Variants in LGI1 observed in about 807,000 individuals in gnomAD.
LGI1 encodes the protein leucine rich glioma inactivated 1.
A neutral mutation model predicts 57.7 loss-of-function variants in LGI1; 11 were observed. That is an observed-to-expected ratio of 0.19 (90% confidence interval 0.12 to 0.32). The LOEUF is 0.32. Among genes scored for constraint, LGI1 ranks in the 10% least tolerant of loss-of-function variants. LGI1 has a pLI of 1.00. For missense variants in LGI1, 422 were observed against 661.9 expected, an observed-to-expected ratio of 0.64 and a Z score of 3.98; for synonymous variants, 222 against 241.9, an observed-to-expected ratio of 0.92 and a Z score of 0.76.
At chr10:93,795,601 C>T (rs1206298831) in intron 7 of LGI1, among the ~76,000 whole-genome samples, 1 of 152,134 alleles carries the variant, frequency 6.6e-6, no homozygotes, top group Non-Finnish European at 1.5e-5. Flanking sequence ...CAAATATATG[C>T]CCCATACTCA....
chr10:93,798,017 C>G lies in LGI1; in HGVS notation c.*214C>G, dbSNP rs1440257845. ...TATAAGACAAAATTTAATTGTGTAA[C>G]TGTTCTTTGCAGTGAAGATGTGTAA... On this transcript the variant is annotated 3_prime_UTR_variant, in exon 8 of 8. Transcript: ENST00000371418. 1.7e-6 allele frequency: 1 copy of G among 593,368 alleles called. No homozygotes were observed. The highest frequency in any genetic ancestry group is 3.0e-6 in the Non-Finnish European group (1 of 332,726). 36.8% of individuals were successfully genotyped at this position (593,368 alleles called of 1,614,324 possible).
intron 6 of LGI1, 84 bp from the exon 7 acceptor site, chr10:93,793,101 TA>T: frequency 7.9e-7 from 1 of 1,261,628 alleles, no homozygotes. Context: ...TTCTCTGAAA[TA>T]AATGTATTTC....
intron 2 of LGI1, among the ~76,000 whole-genome samples, chr10:93,761,304 T>C (rs1422275986): frequency 1.3e-5 from 2 of 152,178 alleles, no homozygotes; most frequent in African/African-American, 2.4e-5. Context: ...CCATTGAGGT[T>C]TGCAATGAAT....
Position 93,793,356 on chromosome 10 carries a change from A to C in LGI1, c.838+6A>C. 6.2e-7 allele frequency: 1 copy of C among 1,612,782 alleles called. No homozygotes were observed. The highest frequency in any genetic ancestry group is 1.3e-5 in the African/African-American group (1 of 75,006). On this transcript the variant is annotated splice_donor_region_variant and intron_variant, in intron 7 of 7. Coordinates refer to ENST00000371418, the MANE Select transcript of LGI1 (RefSeq NM_005097.4). ...GAATTATGACAACATTACAGGTATG[A>C]AAAGCCTAATGATATTTTGAGTGGT...
At chr10:93,792,417 T>C (rs752895835) in intron 5 of LGI1, 9 of 271,772 alleles carry the variant, frequency 3.3e-5, no homozygotes, top group Admixed American at 9.5e-5. Flanking sequence ...TTCTTTTTAC[T>C]TTTTTAATGT....
intron 2 of LGI1, chr10:93,765,224 A>G (rs565405109): frequency 2.6e-4 from 39 of 152,324 alleles, no homozygotes; most frequent in Admixed American, 1.1e-3. Flanking sequence ...AAAACTACCT[A>G]ATAGTTTGGG....
At chr10:93,776,313 A>G (rs1320944426) in intron 2 of LGI1, among the ~76,000 whole-genome samples, 1 of 152,228 alleles carries the variant, frequency 6.6e-6, no homozygotes, top group Admixed American at 6.5e-5. Context: ...TAGACAAAAT[A>G]GTAAAATTCA....
Position 93,757,980 on chromosome 10 carries a change from G to A in LGI1, c.-165G>A, listed in dbSNP as rs1332187176. ...TTCCCCCGAGCAGTGCATTGCTGGAGCGAGGAGAAGCTCACGAATCAGCTG... is the reference window on the plus strand; with the variant it reads ...TTCCCCCGAGCAGTGCATTGCTGGAACGAGGAGAAGCTCACGAATCAGCTG... On this transcript the variant is annotated 5_prime_UTR_variant, in exon 1 of 8. Transcript: ENST00000371418. The A allele has an allele frequency of 1.4e-6, 1 of 693,082 alleles. No individual in the cohort carries two copies. The highest frequency in any genetic ancestry group is 2.6e-6 in the Non-Finnish European group (1 of 386,806). The allele number at this position is 693,082 out of a possible 1,614,324, so 42.9% of individuals were successfully genotyped here. A position where few individuals can be genotyped will look rare whatever the true frequency, so the allele number is the denominator to read the frequency against.
chr10:93,783,573 C>A (rs554147974), intron 4 of LGI1, among the ~76,000 whole-genome samples: 1 of 152,240 alleles, frequency 6.6e-6, no homozygotes, highest in Non-Finnish European at 1.5e-5. Flanking sequence ...GGGGACTGCA[C>A]TAGTCACTCA....
In LGI1 at chr10:93,785,586, C is replaced by T. The variant is rs533097986; in HGVS notation, c.432-4513C>T. Among the ~76,000 whole-genome samples the T allele has an allele frequency of 1.2e-3, 184 of 152,252 alleles. 5 individuals are homozygous for T. The South Asian group carries it at 0.035, about 29-fold the overall frequency. Reference sequence around the variant, plus strand: ...TAAGTGATGCAGGAAAGAATAGCTACAACCAGTTTTAAAAATACTTAGCAC... The same window carrying T: ...TAAGTGATGCAGGAAAGAATAGCTATAACCAGTTTTAAAAATACTTAGCAC... On this transcript the variant is annotated intron_variant, in intron 4 of 7. Transcript: ENST00000371418.
chr10:93,779,298 C>T (rs1289240977), intron 4 of LGI1, among the ~76,000 whole-genome samples: 1 of 150,982 alleles, frequency 6.6e-6, no homozygotes. Flanking sequence ...CCAGCTGTGT[C>T]TCCTCTCCAG....
intron 4 of LGI1, chr10:93,780,315 T>C (rs2059835339): frequency 6.6e-6 from 1 of 152,602 alleles, no homozygotes; most frequent in Non-Finnish European, 1.5e-5. Context: ...GAAACCCAAA[T>C]TTCCCTCTGC....
intron 5 of LGI1, chr10:93,790,426 C>A: frequency 2.2e-6 from 1 of 456,696 alleles, no homozygotes; most frequent in Non-Finnish European, 3.8e-6. Flanking sequence ...CGGCAGGGAG[C>A]GATGATAAAG....
At chr10:93,780,958 G>A (rs189401870) in intron 4 of LGI1, among the ~76,000 whole-genome samples, 40 of 152,228 alleles carry the variant, frequency 2.6e-4, no homozygotes, top group Admixed American at 1.5e-3. Context: ...CCTTACCTGC[G>A]CCTTTATATA....
At chr10:93,765,324 G>T (rs996980105) in intron 2 of LGI1, 2 of 152,180 alleles carry the variant, frequency 1.3e-5, no homozygotes, top group Admixed American at 6.5e-5. Flanking sequence ...AAATGCTAGT[G>T]GGGTTTGGGG....
At chr10:93,769,864 T>C (rs1355576879) in intron 2 of LGI1, 1 of 151,944 alleles carries the variant, frequency 6.6e-6, no homozygotes, top group African/African-American at 2.4e-5. Context: ...GCCAGGAAAA[T>C]CTGCTCTAGG....
rs574209893 is a variant in LGI1 at position 93,789,644 on chromosome 10, C to T, written c.432-455C>T. 5 of 167,126 alleles carry T rather than the reference C, an allele frequency of 3.0e-5. No individual in the cohort carries two copies. The East Asian group carries it at 6.8e-4, about 23-fold the overall frequency. The allele number at this position is 167,126 out of a possible 1,614,324, so 10.4% of individuals were successfully genotyped here. A position where few individuals can be genotyped will look rare whatever the true frequency, so the allele number is the denominator to read the frequency against. ...ATCCCAGCACTTTGGGAGGCCGAGG[C>T]GGGTGGATCACTGAAGCTCAGGAGT... On this transcript the variant is annotated intron_variant, in intron 4 of 7. Coordinates refer to ENST00000371418, the MANE Select transcript of LGI1 (RefSeq NM_005097.4).
chr10:93,792,016 G>A (rs566229932), intron 5 of LGI1: 2 of 152,490 alleles, frequency 1.3e-5, no homozygotes, highest in East Asian at 3.9e-4. Context: ...TATGGTCACT[G>A]AGCACCTAAA....
chr10:93,790,316 A>G (rs2059925885), intron 5 of LGI1, 146 bp downstream of exon 5: 1 of 703,228 alleles, frequency 1.4e-6, no homozygotes. Context: ...CAAAAATTTA[A>G]ATTTACATGG....
Sources: allele counts gnomAD v4.1 joint callset (sites outside exome capture counted in the v4.1 genomes callset), GRCh38; gene constraint gnomAD v4.1.1; transcripts MANE v1.5; gene names NCBI Gene and HGNC (gene_info 2026-07-23, HGNC 2026-07-21).